Variants in DLG4 observed in about 807,000 individuals in gnomAD.
The protein encoded by DLG4 is discs large MAGUK scaffold protein 4, also known as disks large homolog 4.
A neutral mutation model predicts 93.8 loss-of-function variants in DLG4; 7 were observed. The observed-to-expected ratio is 0.07, with a 90% CI of 0.04 to 0.14. The LOEUF is 0.14. DLG4 is among the 10% of genes least tolerant of loss of function. DLG4 has a pLI of 1.00. For missense variants in DLG4, 545 were observed against 992.9 expected (o/e 0.55, Z 6.06); for synonymous variants, 341 against 387.6 (o/e 0.88, Z 1.41).
Position 7,196,487 on chromosome 17 carries a change from T to C in DLG4, c.1172A>G (p.Gln391Arg). 6.2e-7 allele frequency: 1 copy of C among 1,614,032 alleles called. No homozygotes were observed. The highest frequency in any genetic ancestry group is 8.5e-7 in the Non-Finnish European group (1 of 1,179,896). ...CGGCCTGGTACCTTCTGGTTTATAC[T>C]GAGCGATGATCGTGACCGTCTGACC... ...NAGQTVTIIA[Q>R]YKPEEYSRFE... The change falls in exon 10 of 20, where the codon CAG becomes CGG. Residue 391 changes from glutamine to arginine, a missense_variant. Gln to Arg is a conservative substitution (Grantham distance 43). Transcript: ENST00000399506. This position sits in a 1 kb window ranked among gnomAD's most constrained non-coding sequence, Gnocchi z 8.3.
In DLG4 at chr17:7,191,343, C is replaced by A; in HGVS notation, c.1992G>T (p.Arg664=). 1 of 1,613,884 alleles carries A rather than the reference C, an allele frequency of 6.2e-7. No individual in the cohort carries two copies. Among genetic ancestry groups the A allele is most frequent in the Non-Finnish European group, 8.5e-7 (1 of 1,179,828 alleles). Residue 664 remains arginine, a synonymous_variant, in exon 19 of 20, where the codon CGG becomes CGT. Transcript: ENST00000399506. This position sits in a 1 kb window ranked among gnomAD's most constrained non-coding sequence, Gnocchi z 6.6. ...CTTTGCGGGCTTGCTCCTCTGTGAT[C>A]CGCTTGTTAATCTCTCTGTGAAGAG... The part of the protein sequence containing the change: ...SLENVLEINK[R]ITEEQARKAF...
In DLG4 at chr17:7,194,135, G is replaced by T. The variant is rs2069645870; in HGVS notation, c.1479-135C>A. 1 of 1,352,706 alleles carries T rather than the reference G, an allele frequency of 7.4e-7. No individual in the cohort carries two copies. Among genetic ancestry groups the T allele is most frequent in the Non-Finnish European group, 1.0e-6 (1 of 991,570 alleles). 83.8% of individuals were successfully genotyped at this position (1,352,706 alleles called of 1,614,324 possible). A position where few individuals can be genotyped will look rare whatever the true frequency, so the allele number is the denominator to read the frequency against. On this transcript the variant is annotated intron_variant, in intron 12 of 19. Coordinates refer to ENST00000399506, the MANE Select transcript of DLG4 (RefSeq NM_001321075.3). The surrounding 1 kb of genome is among the most constrained non-coding windows in gnomAD (Gnocchi z 4.4). Reference sequence around the variant, plus strand: ...CCCTTCTCCTGCAGCCCTGGACACTGTGCTCCTCAATAAGGAGTTGTCCTT... The same window carrying T: ...CCCTTCTCCTGCAGCCCTGGACACTTTGCTCCTCAATAAGGAGTTGTCCTT...
chr17:7,195,042 AAAAG>A lies in DLG4; in HGVS notation c.1302-551_1302-548del, dbSNP rs1292805668. Among the ~76,000 whole-genome samples, 1 of 152,102 alleles carries A rather than the reference AAAAG, an allele frequency of 6.6e-6. No homozygotes were observed. Among genetic ancestry groups the A allele is most frequent in the Admixed American group, 6.5e-5 (1 of 15,270 alleles). ...TCAAAAAAAAAAAAAAAGAAAAAGAAAAAGAAAAACAGAAAGCAGTGTGCAGTAC... is the reference window on the plus strand; with the variant it reads ...TCAAAAAAAAAAAAAAAGAAAAAGAAAAAAACAGAAAGCAGTGTGCAGTAC... On this transcript the variant is annotated intron_variant, in intron 11 of 19. Coordinates refer to ENST00000399506, the MANE Select transcript of DLG4 (RefSeq NM_001321075.3). The surrounding 1 kb of genome is among the most constrained non-coding windows in gnomAD (Gnocchi z 4.3).
Position 7,193,448 on chromosome 17 carries a change from C to A in DLG4, c.1693+35G>T. 1 of 1,505,358 alleles carries A rather than the reference C, an allele frequency of 6.6e-7. No individual in the cohort carries two copies. Among genetic ancestry groups the A allele is most frequent in the South Asian group, 1.4e-5 (1 of 71,698 alleles). The allele number at this position is 1,505,358 out of a possible 1,614,324, so 93.3% of individuals were successfully genotyped here. ...GGCCTCCCCTGCCCCACCCCCACTT[C>A]CACCTTCTCCTCCATCCAAGGCCCC... On this transcript the variant is annotated intron_variant, in intron 16 of 19. Transcript: ENST00000399506. This position sits in a 1 kb window ranked among gnomAD's most constrained non-coding sequence, Gnocchi z 6.7.
upstream of DLG4, chr17:7,219,798 TAA>T (rs2071092194): frequency 6.6e-7 from 1 of 1,523,180 alleles, no homozygotes; most frequent in Non-Finnish European, 8.8e-7. Context: ...GAGATCCCTC[TAA>T]GTCAGCGGAA....
In DLG4 at chr17:7,191,515, AC is replaced by A; in HGVS notation, c.1977-158del. The A allele has an allele frequency of 9.2e-6, 6 of 651,212 alleles. No homozygotes were observed. The highest frequency in any genetic ancestry group is 2.8e-5 in the East Asian group (1 of 36,254). The allele number at this position is 651,212 out of a possible 1,614,324, so 40.3% of individuals were successfully genotyped here. ...TCCTCTGGGGCCACAGATGAGAACC[AC>A]CCCCCACCCCCCTGCCACCCGCAAC... On this transcript the variant is annotated intron_variant, in intron 18 of 19. Coordinates refer to ENST00000399506, the MANE Select transcript of DLG4 (RefSeq NM_001321075.3). The surrounding 1 kb of genome is among the most constrained non-coding windows in gnomAD (Gnocchi z 6.6).
At chr17:7,204,742 A>G (rs1434329227) in intron 2 of DLG4, among the ~76,000 whole-genome samples, 1 of 86,174 alleles carries the variant, frequency 1.2e-5, no homozygotes, top group Admixed American at 1.5e-4. Flanking sequence ...ATATCTACCC[A>G]GATATTTTCA....
chr17:7,218,624 A>C, upstream of DLG4: 2 of 1,563,358 alleles, frequency 1.3e-6, no homozygotes, highest in Non-Finnish European at 1.7e-6. Flanking sequence ...CAGGAGCCAG[A>C]GGGCTGACCT....
chr17:7,209,060 A>G (rs1327453913), intron 1 of DLG4, among the ~76,000 whole-genome samples: 2 of 152,098 alleles, frequency 1.3e-5, no homozygotes, highest in African/African-American at 4.8e-5. Context: ...AGCAGGGCTC[A>G]GGACAGGGGC....
Position 7,191,724 on chromosome 17 carries a change from G to A in DLG4, c.1976+169C>T, listed in dbSNP as rs1395613535. 1.8e-5 allele frequency: 10 copies of A among 569,810 alleles called. No individual in the cohort carries two copies. The highest frequency in any genetic ancestry group is 2.9e-4 in the Middle Eastern group (1 of 3,418). 35.3% of individuals were successfully genotyped at this position (569,810 alleles called of 1,614,324 possible). On this transcript the variant is annotated intron_variant, in intron 18 of 19. Coordinates refer to ENST00000399506, the MANE Select transcript of DLG4 (RefSeq NM_001321075.3). The surrounding 1 kb of genome is among the most constrained non-coding windows in gnomAD (Gnocchi z 6.6). ...CCTGTCTAGCCAAGGCAGGAGAGGA[G>A]GGGAAAGACCCGATTCCCCCACATC...
At chr17:7,204,615 C>G (rs563425868) in intron 2 of DLG4, among the ~76,000 whole-genome samples, 1 of 151,994 alleles carries the variant, frequency 6.6e-6, no homozygotes, top group Non-Finnish European at 1.5e-5. Flanking sequence ...AAGGGAGCTT[C>G]TCACCGGATG....
upstream of DLG4, chr17:7,218,627 G>A (rs2071044430): frequency 1.3e-6 from 2 of 1,562,536 alleles, no homozygotes; most frequent in East Asian, 2.4e-5. Flanking sequence ...GAGCCAGAGG[G>A]CTGACCTGGG....
chr17:7,204,424 C>G (rs898260017), intron 2 of DLG4, 172 bp from the exon 3 acceptor site: 2 of 632,264 alleles, frequency 3.2e-6, no homozygotes, highest in Non-Finnish European at 5.5e-6. Flanking sequence ...CACACGCACA[C>G]GCGTGCACAT....
At chr17:7,199,356 C>T (rs887197258) in intron 8 of DLG4, among the ~76,000 whole-genome samples, 2 of 151,926 alleles carry the variant, frequency 1.3e-5, no homozygotes, top group South Asian at 2.1e-4. Flanking sequence ...CCCACCACCA[C>T]GCCTGGCTAA....
chr17:7,198,741 G>A (rs1259864945), intron 8 of DLG4, among the ~76,000 whole-genome samples: 6 of 151,448 alleles, frequency 4.0e-5, no homozygotes, highest in East Asian at 3.9e-4. Context: ...CCAGCTACTC[G>A]GGAGGCTGAG....
rs35868661 is a variant in DLG4 at position 7,190,963 on chromosome 17, C to CTTTTTTTTTTTTT, written c.2069-162_2069-150dup. On this transcript the variant is annotated intron_variant, in intron 19 of 19. Coordinates refer to ENST00000399506, the MANE Select transcript of DLG4 (RefSeq NM_001321075.3). ...GCTGCACCCGCCCACAGGGGCACCTCTTTTTTTTTTTTTTTTTTTTTTTTG... is the reference window on the plus strand; with the variant it reads ...GCTGCACCCGCCCACAGGGGCACCTCTTTTTTTTTTTTTTTTTTTTTTTTTTTTTTTTTTTTTG... 1.0e-3 allele frequency: 365 copies of CTTTTTTTTTTTTT among 348,486 alleles called. 19 individuals are homozygous for CTTTTTTTTTTTTT. In the African/African-American group the frequency reaches 0.012, roughly 12 times the overall value. 21.6% of individuals were successfully genotyped at this position (348,486 alleles called of 1,614,324 possible).
chr17:7,194,597 C>T lies in DLG4; in HGVS notation c.1302-102G>A, dbSNP rs1259492888. 1 of 1,311,268 alleles carries T rather than the reference C, an allele frequency of 7.6e-7. No individual in the cohort carries two copies. Among genetic ancestry groups the T allele is most frequent in the East Asian group, 2.5e-5 (1 of 39,602 alleles). 81.2% of individuals were successfully genotyped at this position (1,311,268 alleles called of 1,614,324 possible). On this transcript the variant is annotated intron_variant, in intron 11 of 19. Coordinates refer to ENST00000399506, the MANE Select transcript of DLG4 (RefSeq NM_001321075.3). The surrounding 1 kb of genome is among the most constrained non-coding windows in gnomAD (Gnocchi z 4.4). ...CCCAGAGGTCTGCAGATGGCACTCCCATGGGAGCTATGGATGCCGAGGAAC... is the reference window on the plus strand; with the variant it reads ...CCCAGAGGTCTGCAGATGGCACTCCTATGGGAGCTATGGATGCCGAGGAAC...
intron 2 of DLG4, chr17:7,204,464 C>G: frequency 1.9e-6 from 1 of 537,846 alleles, no homozygotes; most frequent in South Asian, 2.8e-5. Flanking sequence ...CACAGATGCA[C>G]ACGCGCAAGG....
chr17:7,217,222 TC>T lies in DLG4; in HGVS notation c.-76del, dbSNP rs2070960203. The T allele has an allele frequency of 8.0e-7, 1 of 1,255,988 alleles. No individual in the cohort carries two copies. The highest frequency in any genetic ancestry group is 1.0e-6 in the Non-Finnish European group (1 of 993,022). The allele number at this position is 1,255,988 out of a possible 1,614,324, so 77.8% of individuals were successfully genotyped here. The stretch of plus-strand genomic sequence containing the variant: ...AGTTTCGTTCCTCCCCTCCGTGGGT[TC>T]TCACCCCTCCCCCCTCCGCACCCCA... On this transcript the variant is annotated 5_prime_UTR_variant, in exon 1 of 20. Coordinates refer to ENST00000399506, the MANE Select transcript of DLG4 (RefSeq NM_001321075.3).
Sources: gnomAD v4.1 joint callset for allele counts (sites outside exome capture counted in the v4.1 genomes callset) on GRCh38, gnomAD v4.1.1 for gene constraint, Gnocchi (gnomAD v3.1) non-coding constraint, MANE v1.5 for transcripts, NCBI Gene and HGNC (gene_info 2026-07-23, HGNC 2026-07-21) for gene names.